The following KATNAL2 variants were observed in gnomAD, a reference collection of about 807,000 sequenced individuals.
The protein encoded by KATNAL2 is katanin catalytic subunit A1 like 2, also known as katanin p60 ATPase-containing subunit A-like 2.
In KATNAL2, 52 loss-of-function variants were observed where a neutral mutation model predicts 76.3. The ratio of observed to expected loss-of-function variants is 0.68; its 90% CI spans 0.55 to 0.86. The LOEUF (loss-of-function observed/expected upper bound fraction) is 0.86, where lower values mean the gene tolerates loss of function less well. Among genes scored for constraint, KATNAL2 ranks in the 40% least tolerant of loss-of-function variants. The pLI is 0.00. For missense variants in KATNAL2, 660 were observed against 668.9 expected (o/e 0.99, Z 0.15); for synonymous variants, 243 against 244.2 (o/e 1.00, Z 0.05).
intron 15 of KATNAL2, among the ~76,000 whole-genome samples, chr18:47,097,142 C>CAAAAAAAAA: frequency 7.4e-6 from 1 of 135,554 alleles, no homozygotes; most frequent in Non-Finnish European, 1.6e-5. Context: ...AAAAAAAAAT[C>CAAAAAAAAA]CAACTCTGTG....
chr18:46,941,351 A>G (rs960547909), intron 1 of KATNAL2, among the ~76,000 whole-genome samples: 2 of 152,052 alleles, frequency 1.3e-5, no homozygotes, highest in Non-Finnish European at 2.9e-5. Flanking sequence ...AAAACAAAAA[A>G]CAAACAAACA....
intron 15 of KATNAL2, among the ~76,000 whole-genome samples, chr18:47,084,083 G>A (rs2062653318): frequency 6.6e-6 from 1 of 152,180 alleles, no homozygotes; most frequent in Non-Finnish European, 1.5e-5. Flanking sequence ...TCACTTGCAG[G>A]GGAAATCAGC....
At chr18:47,095,272 A>C (rs983699291) in intron 15 of KATNAL2, among the ~76,000 whole-genome samples, 2 of 152,224 alleles carry the variant, frequency 1.3e-5, no homozygotes, top group East Asian at 3.8e-4. Context: ...GTTCATCAAC[A>C]ATGAAGTGTA....
intron 15 of KATNAL2, among the ~76,000 whole-genome samples, chr18:47,081,069 C>A (rs958159677): frequency 6.7e-6 from 1 of 150,072 alleles, no homozygotes; most frequent in Non-Finnish European, 1.5e-5. Context: ...CTTTCTTTCC[C>A]GCCTTCTTCC....
chr18:47,075,385 G>A lies in KATNAL2; in HGVS notation c.1100+17G>A. 6.8e-7 allele frequency: 1 copy of A among 1,475,974 alleles called. No homozygotes were observed. The highest frequency in any genetic ancestry group is 9.0e-7 in the Non-Finnish European group (1 of 1,116,996). 91.4% of individuals were successfully genotyped at this position (1,475,974 alleles called of 1,614,324 possible). A position where few individuals can be genotyped will look rare whatever the true frequency, so the allele number is the denominator to read the frequency against. On this transcript the variant is annotated intron_variant, in intron 14 of 17. Transcript: ENST00000683218. ...AGCTTCTGGGTAACAGACAGGGTTG[G>A]GGTTTTTGTTGTTGTTGTTTTTTGT...
At chr18:47,041,373 C>A (rs1324121863) in intron 3 of KATNAL2, among the ~76,000 whole-genome samples, 1 of 152,156 alleles carries the variant, frequency 6.6e-6, no homozygotes, top group African/African-American at 2.4e-5. Context: ...TTCCTCCCCG[C>A]AACCCCTGGC....
At chr18:47,089,189 T>C (rs1289670361) in intron 15 of KATNAL2, among the ~76,000 whole-genome samples, 1 of 152,176 alleles carries the variant, frequency 6.6e-6, no homozygotes, top group Non-Finnish European at 1.5e-5. Flanking sequence ...CTGCCCAGCT[T>C]TCATTTTCAG....
At chr18:47,097,505 G>C (rs2063300348) in intron 15 of KATNAL2, among the ~76,000 whole-genome samples, 1 of 152,152 alleles carries the variant, frequency 6.6e-6, no homozygotes, top group Non-Finnish European at 1.5e-5. Context: ...CTTAGAGACA[G>C]GGAATAGAGG....
chr18:46,944,389 A>G (rs1277955932), intron 1 of KATNAL2, among the ~76,000 whole-genome samples: 1 of 152,216 alleles, frequency 6.6e-6, no homozygotes, highest in Non-Finnish European at 1.5e-5. Context: ...GTATTAACAC[A>G]GAGTTTACAT....
At chr18:46,935,873 A>AG (rs1422314130) in intron 1 of KATNAL2, among the ~76,000 whole-genome samples, 9 of 152,034 alleles carry the variant, frequency 5.9e-5, no homozygotes, top group Non-Finnish European at 1.0e-4. Context: ...CTGAGATTGC[A>AG]CCACTGCCCT....
chr18:47,095,537 T>C (rs2063192719), intron 15 of KATNAL2, among the ~76,000 whole-genome samples: 1 of 152,214 alleles, frequency 6.6e-6, no homozygotes, highest in African/African-American at 2.4e-5. Flanking sequence ...CATGTGGAAC[T>C]GTGAGTCAAT....
chr18:46,958,810 A>T (rs1293158226), intron 3 of KATNAL2, among the ~76,000 whole-genome samples: 1 of 152,240 alleles, frequency 6.6e-6, no homozygotes, highest in Non-Finnish European at 1.5e-5. Context: ...ATTAGAGTCA[A>T]TGCACGATAA....
chr18:47,075,423 C>A (rs1253520047), intron 14 of KATNAL2, 55 bp downstream of exon 14: 1 of 1,285,308 alleles, frequency 7.8e-7, no homozygotes, highest in South Asian at 2.0e-5. Flanking sequence ...TGGCTTCTCC[C>A]CTCTTGTGTG....
intron 11 of KATNAL2, among the ~76,000 whole-genome samples, chr18:47,068,307 C>T (rs556183951): frequency 7.0e-4 from 106 of 152,254 alleles, no homozygotes; most frequent in South Asian, 2.3e-3. Context: ...GCCCATGTGG[C>T]CCCTGATTTT....
At chr18:47,075,232 TTAAGTC>T in intron 13 of KATNAL2, 39 bp from the exon 14 acceptor site, 22 of 1,482,594 alleles carry the variant, frequency 1.5e-5, no homozygotes, top group Non-Finnish European at 1.9e-5. Context: ...TCTGAGGACT[TTAAGTC>T]TATAAGCTTG....
chr18:47,058,162 A>G (rs2061523450), intron 6 of KATNAL2, 73 bp from the exon 7 acceptor site: 1 of 1,010,764 alleles, frequency 9.9e-7, no homozygotes, highest in Non-Finnish European at 1.6e-6. Context: ...GCTATTCTTA[A>G]GAATAGTTGT....
chr18:47,090,579 TGATTG>T (rs2062956065), intron 15 of KATNAL2, among the ~76,000 whole-genome samples: 2 of 152,176 alleles, frequency 1.3e-5, no homozygotes, highest in African/African-American at 4.8e-5. Flanking sequence ...CAGCACCGTG[TGATTG>T]GTACAGACAA....
chr18:47,087,095 C>G (rs985427132), intron 15 of KATNAL2, among the ~76,000 whole-genome samples: 1 of 152,170 alleles, frequency 6.6e-6, no homozygotes, highest in Non-Finnish European at 1.5e-5. Flanking sequence ...ATCTACCTTT[C>G]TGGTGAAAAT....
At chr18:46,966,012 G>GT in intron 3 of KATNAL2, among the ~76,000 whole-genome samples, 1 of 151,092 alleles carries the variant, frequency 6.6e-6, no homozygotes, top group East Asian at 2.0e-4. Flanking sequence ...GTGTGTGTGT[G>GT]TGTGTGTGTG....
Sources: gnomAD v4.1 joint callset for allele counts (sites outside exome capture counted in the v4.1 genomes callset) on GRCh38, gnomAD v4.1.1 for gene constraint, MANE v1.5 for transcripts, NCBI Gene and HGNC (gene_info 2026-07-23, HGNC 2026-07-21) for gene names.